Variants in ATXN1 observed in about 807,000 individuals in gnomAD.
ATXN1 encodes the protein ataxin-1.
A neutral mutation model predicts 56.4 loss-of-function variants in ATXN1; 8 were observed. The ratio of observed to expected loss-of-function variants is 0.14; its 90% CI spans 0.08 to 0.26. ATXN1 has a LOEUF of 0.26. ATXN1 is among the 10% of genes least tolerant of loss of function. The pLI is 1.00. For synonymous variants in ATXN1, 514 were observed against 494.6 expected, an observed-to-expected ratio of 1.04 and a Z score of -0.52; for missense variants, 987 against 1,106.5, an observed-to-expected ratio of 0.89 and a Z score of 1.53.
intron 6 of ATXN1, among the ~76,000 whole-genome samples, chr6:16,441,367 T>A (rs1392948726): frequency 6.6e-6 from 1 of 152,150 alleles, no homozygotes; most frequent in Non-Finnish European, 1.5e-5. Flanking sequence ...CGGAGTTCTA[T>A]GGCCTAGACA....
intron 3 of ATXN1, among the ~76,000 whole-genome samples, chr6:16,656,953 AG>A (rs1448042999): frequency 1.3e-5 from 2 of 151,820 alleles, no homozygotes; most frequent in Non-Finnish European, 2.9e-5. Flanking sequence ...AACATAGAAA[AG>A]GTACAACCAA....
intron 6 of ATXN1, among the ~76,000 whole-genome samples, chr6:16,440,756 C>T: frequency 6.6e-6 from 1 of 152,014 alleles, no homozygotes; most frequent in Non-Finnish European, 1.5e-5. Flanking sequence ...TGCCCTCCTC[C>T]TCCCTGCCAG....
At chr6:16,621,700 G>A (rs1178037319) in intron 3 of ATXN1, among the ~76,000 whole-genome samples, 2 of 152,174 alleles carry the variant, frequency 1.3e-5, no homozygotes, top group Non-Finnish European at 2.9e-5. Context: ...GAGACAGAGC[G>A]AGATTCCATC....
Position 16,299,427 on chromosome 6 carries a change from G to A in ATXN1, c.*6902C>T, listed in dbSNP as rs1288585926. On this transcript the variant is annotated 3_prime_UTR_variant, in exon 8 of 8. Coordinates refer to ENST00000436367, the MANE Select transcript of ATXN1 (RefSeq NM_001128164.2). ...TACAATATTTTACACTGGAATTACA[G>A]AGAGTATGCACGCATATGGAAAAAA... 6.6e-6 allele frequency: 1 copy of A among 152,622 alleles called. No homozygotes were observed. The highest frequency in any genetic ancestry group is 1.5e-5 in the Non-Finnish European group (1 of 68,028). 9.5% of individuals were successfully genotyped at this position (152,622 alleles called of 1,614,324 possible). A position where few individuals can be genotyped will look rare whatever the true frequency, so the allele number is the denominator to read the frequency against.
chr6:16,542,162 G>A (rs1215696181), intron 4 of ATXN1, among the ~76,000 whole-genome samples: 1 of 152,040 alleles, frequency 6.6e-6, no homozygotes, highest in Non-Finnish European at 1.5e-5. Context: ...CCCACTGCCT[G>A]AGTTGCTCTT....
chr6:16,423,315 C>T (rs80351174), intron 6 of ATXN1, among the ~76,000 whole-genome samples: 2 of 152,194 alleles, frequency 1.3e-5, no homozygotes, highest in African/African-American at 4.8e-5. Flanking sequence ...CTTCCAGTCA[C>T]TCCTCTTTAC....
intron 3 of ATXN1, among the ~76,000 whole-genome samples, chr6:16,618,304 G>A (rs1006007113): frequency 2.0e-5 from 3 of 152,282 alleles, no homozygotes; most frequent in Admixed American, 2.0e-4. Flanking sequence ...GACAAATACC[G>A]AATGCATGCA....
intron 4 of ATXN1, among the ~76,000 whole-genome samples, chr6:16,567,139 A>G (rs1762245460): frequency 6.6e-6 from 1 of 152,232 alleles, no homozygotes; most frequent in South Asian, 2.1e-4. Flanking sequence ...GGTACTTGTC[A>G]ATTAATGAAG....
chr6:16,694,118 C>CACT (rs1331218779), intron 2 of ATXN1, among the ~76,000 whole-genome samples: 1 of 152,002 alleles, frequency 6.6e-6, no homozygotes, highest in Non-Finnish European at 1.5e-5. Context: ...CAAAAAATAA[C>CACT]ACAAATATAT....
In ATXN1 at chr6:16,306,513, G is replaced by A. The variant is rs776184154; in HGVS notation, c.2264C>T (p.Ala755Val). ...KFPEKMGLPA[A>V]PFLTKIEPSK... is the part of the protein sequence containing the mutation. ...GGGTTCTATTTTGGTGAGGAAGGGCGCTGCAGGCAATCCCATTTTCTCTGG... is the reference window on the plus strand; with the variant it reads ...GGGTTCTATTTTGGTGAGGAAGGGCACTGCAGGCAATCCCATTTTCTCTGG... Residue 755 changes from alanine to valine, a missense_variant, in exon 8 of 8, where the codon GCG becomes GTG. Ala to Val is a moderately conservative substitution (Grantham distance 64). Around this residue, in one of 3 missense-constraint regions of ATXN1, gnomAD observed 196 missense variants for 196.7 expected, o/e 1.00. Coordinates refer to ENST00000436367, the MANE Select transcript of ATXN1 (RefSeq NM_001128164.2). This position sits in a 1 kb window ranked among gnomAD's most constrained non-coding sequence, Gnocchi z 5.2. 14 of 1,614,168 alleles carry A rather than the reference G, an allele frequency of 8.7e-6. No homozygotes were observed. In the South Asian group the frequency reaches 1.3e-4, roughly 15 times the overall value.
chr6:16,610,544 T>C (rs1247070667), intron 3 of ATXN1, among the ~76,000 whole-genome samples: 2 of 151,958 alleles, frequency 1.3e-5, no homozygotes, highest in Admixed American at 6.6e-5. Context: ...ATACAAAAAT[T>C]CCAAACTAAC....
intron 6 of ATXN1, among the ~76,000 whole-genome samples, chr6:16,451,281 A>T (rs2113612550): frequency 6.6e-6 from 1 of 152,372 alleles, no homozygotes; most frequent in Admixed American, 6.5e-5. Flanking sequence ...AAGCCTGGCC[A>T]ACACAGTGAA....
intron 2 of ATXN1, chr6:16,752,991 T>G: frequency 3.4e-6 from 1 of 297,768 alleles, no homozygotes; most frequent in Non-Finnish European, 6.7e-6. Flanking sequence ...TTATCAATCA[T>G]CGCAAAGTCA....
intron 6 of ATXN1, among the ~76,000 whole-genome samples, chr6:16,331,166 A>G (rs1162929149): frequency 6.6e-6 from 1 of 152,038 alleles, no homozygotes; most frequent in Non-Finnish European, 1.5e-5. Flanking sequence ...ATGCCTGGCT[A>G]ATTTTTGTAT....
At chr6:16,329,034 A>G (rs1370057768) in intron 6 of ATXN1, among the ~76,000 whole-genome samples, 1 of 152,184 alleles carries the variant, frequency 6.6e-6, no homozygotes, top group African/African-American at 2.4e-5. Flanking sequence ...ACTGTAACAC[A>G]TATATTTTTT....
chr6:16,417,020 C>T (rs999196085), intron 6 of ATXN1, among the ~76,000 whole-genome samples: 10 of 152,158 alleles, frequency 6.6e-5, no homozygotes, highest in Admixed American at 1.3e-4. Context: ...TTGTCAACTT[C>T]CCCTAAGATA....
In ATXN1 at chr6:16,454,673, T is replaced by C. The variant is rs533544108; in HGVS notation, c.-161+31299A>G. Among the ~76,000 whole-genome samples, 60 of 152,338 alleles carry C rather than the reference T, an allele frequency of 3.9e-4. No homozygotes were observed. In the South Asian group the frequency reaches 4.3e-3, roughly 11 times the overall value. On this transcript the variant is annotated intron_variant, in intron 6 of 7. Transcript: ENST00000436367. Reference sequence around the variant, plus strand: ...CAGACTTTCCACTCTCTTACTGCCATAGACTTAGTGCTTTTGGCAGGTCAG... The same window carrying C: ...CAGACTTTCCACTCTCTTACTGCCACAGACTTAGTGCTTTTGGCAGGTCAG...
intron 5 of ATXN1, among the ~76,000 whole-genome samples, chr6:16,494,010 T>G (rs941610849): frequency 6.6e-6 from 1 of 152,170 alleles, no homozygotes; most frequent in African/African-American, 2.4e-5. Context: ...TGCAGAGCCC[T>G]GTCTCCACCC....
At chr6:16,724,720 T>C (rs1759813247) in intron 2 of ATXN1, among the ~76,000 whole-genome samples, 1 of 152,242 alleles carries the variant, frequency 6.6e-6, no homozygotes, top group South Asian at 2.1e-4. Flanking sequence ...GATATATTAA[T>C]AGTGTTTGGT....
Sources: gnomAD v4.1 joint callset for allele counts (sites outside exome capture counted in the v4.1 genomes callset) on GRCh38, gnomAD v4.1.1 for gene constraint, gnomAD v4.1.1 regional missense constraint, Gnocchi (gnomAD v3.1) non-coding constraint, MANE v1.5 for transcripts, NCBI Gene and HGNC (gene_info 2026-07-23, HGNC 2026-07-21) for gene names.